SOX6: variants seen among roughly 807,000 people sequenced by gnomAD.
SOX6 encodes the protein transcription factor SOX-6.
Under a neutral mutation model 97.8 loss-of-function variants are expected in SOX6, and 11 were observed. The observed-to-expected ratio is 0.11, with a 90% CI of 0.07 to 0.19. SOX6 has a LOEUF of 0.19. Ranked by LOEUF, SOX6 falls within the 10% of genes least tolerant of loss-of-function variation. The pLI, the probability that SOX6 is intolerant of heterozygous loss-of-function variation, is 1.00. For missense variants in SOX6, 810 were observed against 1,039.5 expected (o/e 0.78, Z 3.04); for synonymous variants, 360 against 371.4 (o/e 0.97, Z 0.35).
At chr11:16,196,833 T>G (rs1239824280) in intron 4 of SOX6, among the ~76,000 whole-genome samples, 2 of 140,086 alleles carry the variant, frequency 1.4e-5, no homozygotes, top group Non-Finnish European at 3.1e-5. Context: ...TCTTCTTCTT[T>G]TTTTTTTTTT....
At chr11:16,634,462 C>T (rs1848755159) in intron 3 of SOX6, among the ~76,000 whole-genome samples, 1 of 152,016 alleles carries the variant, frequency 6.6e-6, no homozygotes, top group Non-Finnish European at 1.5e-5. Flanking sequence ...AAATAATGGT[C>T]AAAAGATTCT....
At chr11:16,620,089 T>TA (rs1848523421) in intron 3 of SOX6, among the ~76,000 whole-genome samples, 1 of 152,168 alleles carries the variant, frequency 6.6e-6, no homozygotes, top group Non-Finnish European at 1.5e-5. Context: ...TGATATTATA[T>TA]TAGCTAAAAG....
chr11:16,133,063 G>T (rs917358766), intron 6 of SOX6, among the ~76,000 whole-genome samples: 3 of 152,078 alleles, frequency 2.0e-5, no homozygotes, highest in Non-Finnish European at 4.4e-5. Flanking sequence ...AAAAAAAAAT[G>T]GCCTAATTTT....
chr11:16,361,773 A>G (rs970333334), intron 1 of SOX6, among the ~76,000 whole-genome samples: 2 of 152,200 alleles, frequency 1.3e-5, no homozygotes, highest in Non-Finnish European at 2.9e-5. Flanking sequence ...CTGAATACCA[A>G]TTTCCAAATC....
In SOX6 at chr11:16,610,663, GA is replaced by G. The variant is rs911578216; in HGVS notation, n.609+1417del. Among the ~76,000 whole-genome samples the G allele has an allele frequency of 6.6e-6, 1 of 152,218 alleles. No individual in the cohort carries two copies. Among genetic ancestry groups the G allele is most frequent in the African/African-American group, 2.4e-5 (1 of 41,458 alleles). On this transcript the variant is annotated intron_variant and non_coding_transcript_variant, in intron 4 of 5. Coordinates refer to the SOX6 transcript ENST00000524520. This position sits in a 1 kb window ranked among gnomAD's most constrained non-coding sequence, Gnocchi z 4.4. ...TAACAATATTCATCCCTAAAGGAAG[GA>G]AACTAAAATTTGGGGTCTCGATGCC...
chr11:16,580,094 A>G (rs1358961277), intron 4 of SOX6, among the ~76,000 whole-genome samples: 1 of 152,156 alleles, frequency 6.6e-6, no homozygotes, highest in Admixed American at 6.5e-5. Context: ...TACAGCCAGC[A>G]GCACTGATGA....
intron 1 of SOX6, among the ~76,000 whole-genome samples, chr11:16,408,538 GAC>G (rs1565135343): frequency 6.6e-6 from 1 of 152,062 alleles, no homozygotes; most frequent in African/African-American, 2.4e-5. Context: ...AACAGACAAG[GAC>G]AGAAAAAAGT....
intron 9 of SOX6, among the ~76,000 whole-genome samples, chr11:16,060,698 GA>G (rs1847926420): frequency 6.6e-6 from 1 of 151,812 alleles, no homozygotes; most frequent in South Asian, 2.1e-4. Context: ...AACATCAGTT[GA>G]ATTTGTTCCA....
At chr11:16,507,216 G>A (rs546513197) in intron 4 of SOX6, among the ~76,000 whole-genome samples, 1 of 152,124 alleles carries the variant, frequency 6.6e-6, no homozygotes, top group South Asian at 2.1e-4. Flanking sequence ...CTCCCCAGAA[G>A]CAGAAGCCTG....
intron 3 of SOX6, among the ~76,000 whole-genome samples, chr11:16,662,801 C>A (rs547874284): frequency 6.6e-6 from 1 of 152,228 alleles, no homozygotes; most frequent in Admixed American, 6.5e-5. Flanking sequence ...TCAAGTGATC[C>A]TCTCACCTCA....
At chr11:16,438,609 G>C (rs1010962519) in intron 1 of SOX6, among the ~76,000 whole-genome samples, 3 of 152,030 alleles carry the variant, frequency 2.0e-5, no homozygotes, top group Non-Finnish European at 4.4e-5. Context: ...CATATAAATA[G>C]TGTATCAGGC....
intron 3 of SOX6, among the ~76,000 whole-genome samples, chr11:16,622,455 G>A (rs979425918): frequency 6.6e-6 from 1 of 151,864 alleles, no homozygotes; most frequent in Non-Finnish European, 1.5e-5. Context: ...AGAGTCCACT[G>A]TATCATTTTT....
intron 8 of SOX6, among the ~76,000 whole-genome samples, chr11:16,097,060 T>C (rs1177717125): frequency 6.6e-6 from 1 of 151,848 alleles, no homozygotes; most frequent in African/African-American, 2.4e-5. Flanking sequence ...AGTTTAGCTT[T>C]ATAAATAAGA....
At chr11:15,995,196 G>A (rs1457563677) in intron 13 of SOX6, among the ~76,000 whole-genome samples, 1 of 152,152 alleles carries the variant, frequency 6.6e-6, no homozygotes, top group Non-Finnish European at 1.5e-5. Flanking sequence ...CCCTTTGCAA[G>A]AGAAACAGAA....
At chr11:15,986,970 A>C (rs181591250) in intron 14 of SOX6, among the ~76,000 whole-genome samples, 575 of 152,332 alleles carry the variant, frequency 3.8e-3, no homozygotes, top group Non-Finnish European at 5.0e-3. Flanking sequence ...AAGAAGTTAT[A>C]GCTTTAGAAC....
intron 4 of SOX6, among the ~76,000 whole-genome samples, chr11:16,564,842 G>T (rs1431497968): frequency 6.6e-6 from 1 of 151,932 alleles, no homozygotes. Flanking sequence ...AACACTAAAT[G>T]CATGCATAAG....
At chr11:16,527,101 T>C (rs1266592126) in intron 4 of SOX6, among the ~76,000 whole-genome samples, 1 of 152,106 alleles carries the variant, frequency 6.6e-6, no homozygotes, top group African/African-American at 2.4e-5. Flanking sequence ...CAGCTGTTCA[T>C]TGCAAGTATC....
chr11:16,570,339 T>C (rs1847924366), intron 4 of SOX6, among the ~76,000 whole-genome samples: 1 of 152,148 alleles, frequency 6.6e-6, no homozygotes, highest in Non-Finnish European at 1.5e-5. Context: ...CATTAACATA[T>C]TTAAACTTAA....
At chr11:16,278,266 A>G (rs775987039) in intron 3 of SOX6, among the ~76,000 whole-genome samples, 1 of 152,176 alleles carries the variant, frequency 6.6e-6, no homozygotes, top group Non-Finnish European at 1.5e-5. Flanking sequence ...TTTCATTAAA[A>G]TAAAAGATCC....
Sources: gnomAD v4.1 joint callset for allele counts (sites outside exome capture counted in the v4.1 genomes callset) on GRCh38, gnomAD v4.1.1 for gene constraint, Gnocchi (gnomAD v3.1) non-coding constraint, MANE v1.5 for transcripts, NCBI Gene and HGNC (gene_info 2026-07-23, HGNC 2026-07-21) for gene names.